Variants in TAFA5 observed in about 807,000 individuals in gnomAD.
The protein encoded by TAFA5 is TAFA chemokine like family member 5.
Under a neutral mutation model 15.3 loss-of-function variants are expected in TAFA5, and 6 were observed. The observed-to-expected ratio is 0.39, with a 90% CI of 0.21 to 0.77. The LOEUF (loss-of-function observed/expected upper bound fraction) is 0.77, where lower values mean the gene tolerates loss of function less well. TAFA5 is among the 30% of genes least tolerant of loss of function. The probability of loss-of-function intolerance (pLI) is 0.41; values close to 1 mark genes in which losing one functional copy is unlikely to be tolerated. For synonymous variants in TAFA5, 103 were observed against 80.7 expected (o/e 1.28, Z -1.48); for missense variants, 161 against 193.1 (o/e 0.83, Z 0.98).
At chr22:48,594,877 A>AT (rs376412437) in intron 1 of TAFA5, among the ~76,000 whole-genome samples, 1,874 of 143,568 alleles carry the variant, frequency 0.013, 39 homozygotes, top group African/African-American at 0.04. Flanking sequence ...TCCTGAGCAC[A>AT]TTTTTTTTTT....
intron 3 of TAFA5, among the ~76,000 whole-genome samples, chr22:48,710,125 C>T (rs2147253087): frequency 6.6e-6 from 1 of 152,284 alleles, no homozygotes; most frequent in South Asian, 2.1e-4. Flanking sequence ...TTCAGATCTG[C>T]ATGAAGGCTT....
intron 1 of TAFA5, among the ~76,000 whole-genome samples, chr22:48,561,143 G>A (rs1370672846): frequency 6.6e-6 from 1 of 152,096 alleles, no homozygotes; most frequent in African/African-American, 2.4e-5. Flanking sequence ...GGACAGAAAG[G>A]CCTCAGGGCC....
chr22:48,589,896 C>A (rs1016603071), intron 1 of TAFA5, among the ~76,000 whole-genome samples: 1 of 152,078 alleles, frequency 6.6e-6, no homozygotes. Context: ...TGTTTTTAAG[C>A]CACGAGTTTG....
intron 1 of TAFA5, among the ~76,000 whole-genome samples, chr22:48,594,877 ATT>A (rs376412437): frequency 0.26 from 36,677 of 143,344 alleles, 4,850 homozygotes; most frequent in South Asian, 0.34. Context: ...TCCTGAGCAC[ATT>A]TTTTTTTTTT....
intron 1 of TAFA5, among the ~76,000 whole-genome samples, chr22:48,558,154 C>G (rs1323089183): frequency 1.3e-5 from 2 of 152,186 alleles, no homozygotes; most frequent in Non-Finnish European, 2.9e-5. Context: ...CCAGTTCATT[C>G]TTATTCAGTG....
chr22:48,503,485 A>C (rs925555114), intron 1 of TAFA5, among the ~76,000 whole-genome samples: 2 of 152,194 alleles, frequency 1.3e-5, no homozygotes, highest in Admixed American at 6.5e-5. Context: ...CCCCACATGG[A>C]GGAAAGAGCA....
Position 48,489,695 on chromosome 22 carries a change from G to A in TAFA5, c.103G>A (p.Ala35Thr). The change falls in exon 1 of 4, where the codon GCC becomes ACC. Residue 35 changes from alanine to threonine, a missense_variant. Transcript: ENST00000402357. The surrounding 1 kb of genome is among the most constrained non-coding windows in gnomAD (Gnocchi z 5.5). ...AFMILASLLI[A>T]YCSQLAAGTC... Reference sequence around the variant, plus strand: ...CATGATCCTGGCCAGCCTGCTCATCGCCTACTGCAGTGAGTACCGCGCGGC... The same window carrying A: ...CATGATCCTGGCCAGCCTGCTCATCACCTACTGCAGTGAGTACCGCGCGGC... 2.7e-6 allele frequency: 4 copies of A among 1,501,518 alleles called. No homozygotes were observed. The highest frequency in any genetic ancestry group is 2.1e-5 in the Admixed American group (1 of 47,440). 93.0% of individuals were successfully genotyped at this position (1,501,518 alleles called of 1,614,324 possible).
chr22:48,577,426 A>G (rs1255865371), intron 1 of TAFA5, among the ~76,000 whole-genome samples: 1 of 152,126 alleles, frequency 6.6e-6, no homozygotes, highest in African/African-American at 2.4e-5. Flanking sequence ...ACTGGGGGCA[A>G]CTGAGGCGTT....
At chr22:48,558,452 C>T (rs1273030980) in intron 1 of TAFA5, among the ~76,000 whole-genome samples, 2 of 152,140 alleles carry the variant, frequency 1.3e-5, no homozygotes, top group African/African-American at 4.8e-5. Context: ...TTTGCATTTT[C>T]AAGCAGCAGA....
intron 2 of TAFA5, among the ~76,000 whole-genome samples, chr22:48,699,985 G>A (rs1019295650): frequency 5.3e-5 from 8 of 152,080 alleles, no homozygotes; most frequent in African/African-American, 1.9e-4. Context: ...ATTGGGAGTG[G>A]ATGGGCCTTT....
At chr22:48,635,412 C>T (rs1926409458) in intron 1 of TAFA5, among the ~76,000 whole-genome samples, 1 of 152,222 alleles carries the variant, frequency 6.6e-6, no homozygotes, top group South Asian at 2.1e-4. Context: ...AGCCACTCTG[C>T]CTTCCTGGCC....
At chr22:48,698,950 TTTTTTTG>T (rs201927668) in intron 2 of TAFA5, among the ~76,000 whole-genome samples, 72,104 of 134,514 alleles carry the variant, frequency 0.54, 18,713 homozygotes, top group African/African-American at 0.59. Flanking sequence ...TTTTTTTTTT[TTTTTTTG>T]GCGCGACCAA....
intron 2 of TAFA5, among the ~76,000 whole-genome samples, chr22:48,681,364 C>A (rs960634904): frequency 6.6e-6 from 1 of 151,908 alleles, no homozygotes; most frequent in Non-Finnish European, 1.5e-5. Context: ...GAGATGAGGC[C>A]GGGTGCGGTG....
intron 1 of TAFA5, among the ~76,000 whole-genome samples, chr22:48,511,441 A>T (rs1307028436): frequency 6.6e-6 from 1 of 151,814 alleles, no homozygotes; most frequent in African/African-American, 2.4e-5. Flanking sequence ...TCCCAGGGGG[A>T]GGGGAGGCTG....
intron 3 of TAFA5, among the ~76,000 whole-genome samples, chr22:48,718,185 C>T (rs1156292009): frequency 6.6e-6 from 1 of 152,194 alleles, no homozygotes; most frequent in Non-Finnish European, 1.5e-5. Context: ...TATCAGGGTG[C>T]ACCCAGGCGT....
intron 3 of TAFA5, among the ~76,000 whole-genome samples, chr22:48,744,338 G>A (rs894436414): frequency 4.6e-5 from 7 of 152,226 alleles, no homozygotes; most frequent in Non-Finnish European, 1.0e-4. Context: ...GGTGACCCCA[G>A]ATGAGGGCCA....
At chr22:48,655,823 A>G (rs992281703) in intron 2 of TAFA5, among the ~76,000 whole-genome samples, 1 of 128,936 alleles carries the variant, frequency 7.8e-6, no homozygotes, top group African/African-American at 3.0e-5. Flanking sequence ...GAAGCCAAAC[A>G]CTGATTCTTT....
chr22:48,576,303 CAGAAAGA>C, intron 1 of TAFA5: 4 of 1,178,696 alleles, frequency 3.4e-6, no homozygotes, highest in East Asian at 3.6e-5. Context: ...CCCCCCTGCC[CAGAAAGA>C]CACAAATCGC....
At chr22:48,629,183 G>A (rs1926127616) in intron 1 of TAFA5, among the ~76,000 whole-genome samples, 2 of 152,184 alleles carry the variant, frequency 1.3e-5, no homozygotes, top group African/African-American at 2.4e-5. Context: ...GGCTGGGCCT[G>A]CTGGGGTTCT....
Sources: gnomAD v4.1 joint callset for allele counts (sites outside exome capture counted in the v4.1 genomes callset) on GRCh38, gnomAD v4.1.1 for gene constraint, Gnocchi (gnomAD v3.1) non-coding constraint, MANE v1.5 for transcripts, NCBI Gene and HGNC (gene_info 2026-07-23, HGNC 2026-07-21) for gene names.